ZNF571: variants seen among roughly 807,000 people sequenced by gnomAD.
ZNF571 encodes the protein zinc finger protein 571.
Under a neutral mutation model 7.7 loss-of-function variants are expected in ZNF571, and 4 were observed. The ratio of observed to expected loss-of-function variants is 0.52; its 90% CI spans 0.25 to 1.18. The LOEUF (loss-of-function observed/expected upper bound fraction) is 1.18, where lower values mean the gene tolerates loss of function less well. ZNF571 is among the 50% of genes most tolerant of loss of function. The pLI is 0.14. For missense variants in ZNF571, 704 were observed against 726.9 expected (o/e 0.97, Z 0.36); for synonymous variants, 251 against 232.4 (o/e 1.08, Z -0.73).
intron 2 of ZNF571, chr19:37,585,663 C>T (rs1470229626): frequency 6.6e-6 from 1 of 152,228 alleles, no homozygotes; most frequent in East Asian, 1.9e-4. Context: ...TAGAGCTAAC[C>T]ATCCTTTCAC....
chr19:37,584,122 A>G (rs972028676), intron 2 of ZNF571, 25 bp from the exon 3 acceptor site: 1 of 1,613,712 alleles, frequency 6.2e-7, no homozygotes, highest in Non-Finnish European at 8.5e-7. Flanking sequence ...CCATTACAGG[A>G]TGATTCTACA....
chr19:37,564,560 TGAA>T lies in ZNF571; in HGVS notation c.*35_*37del, dbSNP rs771137720. On this transcript the variant is annotated 3_prime_UTR_variant, in exon 4 of 4. Coordinates refer to ENST00000451802, the MANE Select transcript of ZNF571 (RefSeq NM_016536.5). ...ACATTCATTATAGATATGAAATAGATGAAGATTTTCTTAAATTTAATCACATTC... is the reference window on the plus strand; with the variant it reads ...ACATTCATTATAGATATGAAATAGATGATTTTCTTAAATTTAATCACATTC... 48 of 1,453,142 alleles carry T rather than the reference TGAA, an allele frequency of 3.3e-5. No individual in the cohort carries two copies. Among genetic ancestry groups the T allele is most frequent in the Admixed American group, 2.5e-4 (10 of 40,576 alleles). 90.0% of individuals were successfully genotyped at this position (1,453,142 alleles called of 1,614,324 possible).
intron 3 of ZNF571, among the ~76,000 whole-genome samples, chr19:37,572,128 TCTC>T (rs951357737): frequency 2.6e-5 from 4 of 152,136 alleles, no homozygotes; most frequent in African/African-American, 9.7e-5. Context: ...TATTTATACA[TCTC>T]CTACTTCTGT....
At chr19:37,585,033 G>C (rs1485307763) in intron 2 of ZNF571, 1 of 150,984 alleles carries the variant, frequency 6.6e-6, no homozygotes, top group African/African-American at 2.4e-5. Context: ...TATAATTCTT[G>C]AGAGTATGCA....
intron 3 of ZNF571, among the ~76,000 whole-genome samples, chr19:37,572,679 A>T (rs1222443489): frequency 6.6e-6 from 1 of 152,178 alleles, no homozygotes; most frequent in Non-Finnish European, 1.5e-5. Context: ...CATATATAAC[A>T]ATGTGGCTTT....
intron 1 of ZNF571, among the ~76,000 whole-genome samples, chr19:37,592,891 C>A (rs2147217380): frequency 6.6e-6 from 1 of 152,240 alleles, no homozygotes; most frequent in African/African-American, 2.4e-5. Context: ...ACCAATTAAA[C>A]CAAAACAAAA....
chr19:37,594,765 G>A lies in ZNF571; in HGVS notation c.-94C>T, dbSNP rs1443870994. On this transcript the variant is annotated 5_prime_UTR_variant, in exon 1 of 4. Transcript: ENST00000451802. ...CCTGGCCGGCGCAGACAAGCTCCGT[G>A]CGTCAAGACATAACAGCGTAAGTGT... The A allele has an allele frequency of 2.6e-5, 4 of 152,156 alleles. No individual in the cohort carries two copies. The highest frequency in any genetic ancestry group is 5.9e-5 in the Non-Finnish European group (4 of 68,058). 9.4% of individuals were successfully genotyped at this position (152,156 alleles called of 1,614,324 possible). A position where few individuals can be genotyped will look rare whatever the true frequency, so the allele number is the denominator to read the frequency against.
intron 3 of ZNF571, among the ~76,000 whole-genome samples, chr19:37,582,293 C>T (rs1450859385): frequency 6.6e-6 from 1 of 152,192 alleles, no homozygotes; most frequent in Non-Finnish European, 1.5e-5. Flanking sequence ...ATCCAATAGC[C>T]AATTTTCAGC....
chr19:37,574,449 A>C (rs2043176417), intron 3 of ZNF571, among the ~76,000 whole-genome samples: 1 of 152,232 alleles, frequency 6.6e-6, no homozygotes, highest in African/African-American at 2.4e-5. Flanking sequence ...CAAAAATATT[A>C]TTCCCATAAC....
chr19:37,576,295 A>C (rs1031272514), intron 3 of ZNF571, among the ~76,000 whole-genome samples: 2 of 152,202 alleles, frequency 1.3e-5, no homozygotes, highest in Non-Finnish European at 2.9e-5. Flanking sequence ...GACAATGCCT[A>C]AATGAGTTCA....
intron 3 of ZNF571, among the ~76,000 whole-genome samples, chr19:37,581,561 C>T (rs904639919): frequency 4.4e-4 from 67 of 151,018 alleles, no homozygotes; most frequent in African/African-American, 1.6e-3. Context: ...GACCTCGGGG[C>T]TCAAATGATC....
intron 3 of ZNF571, among the ~76,000 whole-genome samples, chr19:37,573,129 C>A (rs2043123616): frequency 7.1e-6 from 1 of 141,606 alleles, no homozygotes; most frequent in East Asian, 1.9e-4. Flanking sequence ...CCAACCTCTT[C>A]CAACTCTTTT....
In ZNF571 at chr19:37,583,978, G is replaced by T. The variant is rs115809699; in HGVS notation, c.129C>A (p.Ile43=). Residue 43 remains isoleucine (I), a synonymous_variant, in exon 3 of 4, where the codon ATC becomes ATA. Transcript: ENST00000451802. ...TACGTAGGATGATCTTACCCAATGAGATCAGGTTGCTGTAGTTCTCCAACA... is the reference window on the plus strand; with the variant it reads ...TACGTAGGATGATCTTACCCAATGATATCAGGTTGCTGTAGTTCTCCAACA... ...DVMLENYSNL[I]SLDLESSCVT... is the part of the protein sequence containing the mutation. The T allele has an allele frequency of 6.2e-6, 10 of 1,609,772 alleles. No homozygotes were observed. In the African/African-American group the frequency reaches 9.3e-5, roughly 15 times the overall value.
At position 37,565,501 on chromosome 19, in the gene ZNF571, A is replaced by G. The variant is rs139843301; in HGVS notation, c.927T>C (p.Cys309=). 2.5e-5 allele frequency: 41 copies of G among 1,613,784 alleles called. No individual in the cohort carries two copies. The African/African-American group carries it at 4.9e-4, about 19-fold the overall frequency. Reference sequence around the variant, plus strand: ...GAATAAAGGCCTTTCCACATTCCTTACACTCATAAGGTTTCTCACCACTAT... The same window carrying G: ...GAATAAAGGCCTTTCCACATTCCTTGCACTCATAAGGTTTCTCACCACTAT... ...RIHSGEKPYE[C]KECGKAFILG... The change falls in exon 4 of 4, where the codon TGT becomes TGC. Residue 309 remains cysteine, a synonymous_variant. Transcript: ENST00000451802.
intron 3 of ZNF571, 111 bp downstream of exon 3, chr19:37,583,860 A>T: frequency 9.0e-7 from 1 of 1,112,188 alleles, no homozygotes; most frequent in Non-Finnish European, 1.3e-6. Context: ...GTCCATTTCT[A>T]CTTCTACTCA....
intron 3 of ZNF571, among the ~76,000 whole-genome samples, chr19:37,577,078 C>T (rs2043267007): frequency 6.6e-6 from 1 of 152,060 alleles, no homozygotes; most frequent in Admixed American, 6.6e-5. Context: ...GCTATATTTT[C>T]TAATTAAAGA....
At position 37,571,406 on chromosome 19, in the gene ZNF571, G is replaced by T. The variant is rs140933718; in HGVS notation, c.137-5115C>A. Among the ~76,000 whole-genome samples the T allele has an allele frequency of 4.1e-3, 627 of 152,166 alleles. 1 individual carries two copies. The highest frequency in any genetic ancestry group is 6.0e-3 in the Non-Finnish European group (409 of 68,022). On this transcript the variant is annotated intron_variant, in intron 3 of 3. Transcript: ENST00000451802. Reference sequence around the variant, plus strand: ...AGCTACTTGGGAGGCTGAGGCAAAAGAATCGCCTGAACCCAGGAAGTGGAG... The same window carrying T: ...AGCTACTTGGGAGGCTGAGGCAAAATAATCGCCTGAACCCAGGAAGTGGAG...
At chr19:37,583,037 C>T (rs1380586159) in intron 3 of ZNF571, among the ~76,000 whole-genome samples, 1 of 152,216 alleles carries the variant, frequency 6.6e-6, no homozygotes, top group Non-Finnish European at 1.5e-5. Context: ...TCTAACCTCA[C>T]CTCAAATTTC....
Position 37,583,729 on chromosome 19 carries a change from AG to A in ZNF571, c.136+241del, listed in dbSNP as rs140164355. On this transcript the variant is annotated intron_variant, in intron 3 of 3. Transcript: ENST00000451802. ...AAAGGAAATGGTGCATGGTCATGCT[AG>A]GGGATTCCCAGATTCAAATCTAGTC... The A allele has an allele frequency of 4.7e-3, 1,883 of 397,188 alleles. 34 individuals carry two copies. Among genetic ancestry groups the A allele is most frequent in the African/African-American group, 0.036 (1,761 of 48,776 alleles). 24.6% of individuals were successfully genotyped at this position (397,188 alleles called of 1,614,324 possible). A position where few individuals can be genotyped will look rare whatever the true frequency, so the allele number is the denominator to read the frequency against.
Sources: allele counts gnomAD v4.1 joint callset (sites outside exome capture counted in the v4.1 genomes callset), GRCh38; gene constraint gnomAD v4.1.1; transcripts MANE v1.5; gene names NCBI Gene and HGNC (gene_info 2026-07-23, HGNC 2026-07-21).